Variants in AGMO observed in about 807,000 individuals in gnomAD.
The protein encoded by AGMO is alkylglycerol monooxygenase.
A neutral mutation model predicts 60.2 loss-of-function variants in AGMO; 75 were observed. That is an observed-to-expected ratio of 1.25 (90% CI 1.03 to 1.51). The LOEUF (loss-of-function observed/expected upper bound fraction) is 1.51. Among genes scored for constraint, AGMO ranks in the 40% most tolerant of loss-of-function variants. The pLI, the probability that AGMO is intolerant of heterozygous loss-of-function variation, is 0.00. For synonymous variants in AGMO, 261 were observed against 177.1 expected (o/e 1.47, Z -3.76); for missense variants, 763 against 525.5 (o/e 1.45, Z -4.42).
chr7:15,275,663 G>A (rs1380722971), intron 12 of AGMO, among the ~76,000 whole-genome samples: 1 of 152,030 alleles, frequency 6.6e-6, no homozygotes, highest in Non-Finnish European at 1.5e-5. Context: ...CACTGCTATT[G>A]TGTTGCTATG....
chr7:15,352,815 G>T (rs898958353), intron 12 of AGMO, among the ~76,000 whole-genome samples: 1 of 151,844 alleles, frequency 6.6e-6, no homozygotes, highest in African/African-American at 2.4e-5. Flanking sequence ...ATCTTCACCT[G>T]TTTTCGCTAT....
chr7:15,529,677 T>A (rs374433397), intron 3 of AGMO, among the ~76,000 whole-genome samples: 250 of 6,736 alleles, frequency 0.037, 104 homozygotes, highest in East Asian at 0.31. Context: ...CTATATATAT[T>A]CTATATATAG....
At chr7:15,460,038 C>T (rs189788845) in intron 3 of AGMO, among the ~76,000 whole-genome samples, 123 of 151,730 alleles carry the variant, frequency 8.1e-4, no homozygotes, top group African/African-American at 2.6e-3. Context: ...AGTTTACCTA[C>T]GTACTTTGTA....
At chr7:15,461,428 T>C (rs1159157700) in intron 3 of AGMO, among the ~76,000 whole-genome samples, 3 of 151,980 alleles carry the variant, frequency 2.0e-5, no homozygotes, top group African/African-American at 7.2e-5. Context: ...CTCTGGATAG[T>C]AGTAATCATC....
intron 12 of AGMO, among the ~76,000 whole-genome samples, chr7:15,225,179 A>G (rs1163008004): frequency 6.6e-6 from 1 of 151,688 alleles, no homozygotes; most frequent in Non-Finnish European, 1.5e-5. Flanking sequence ...TTTCCATGTG[A>G]TTGCATAATC....
chr7:15,197,307 G>A (rs922843299), downstream of AGMO, among the ~76,000 whole-genome samples: 4 of 152,014 alleles, frequency 2.6e-5, no homozygotes, highest in East Asian at 7.7e-4. Context: ...ATATGTTAAA[G>A]AATTCCAGTC....
chr7:15,368,561 A>C (rs1237497055), intron 10 of AGMO, among the ~76,000 whole-genome samples: 2 of 152,154 alleles, frequency 1.3e-5, no homozygotes, highest in East Asian at 3.8e-4. Context: ...GGTACATTTG[A>C]AATAAAATAC....
chr7:15,263,598 A>T (rs1035085991), intron 12 of AGMO, among the ~76,000 whole-genome samples: 1 of 152,124 alleles, frequency 6.6e-6, no homozygotes, highest in African/African-American at 2.4e-5. Context: ...AAGTCATTAT[A>T]TGAAAAAATA....
chr7:15,266,425 T>C (rs1386022755), intron 12 of AGMO, among the ~76,000 whole-genome samples: 1 of 152,058 alleles, frequency 6.6e-6, no homozygotes, highest in Non-Finnish European at 1.5e-5. Context: ...TTTAACAACT[T>C]CAAAGGGCTC....
chr7:15,397,195 A>C (rs1784424382), intron 5 of AGMO, among the ~76,000 whole-genome samples: 1 of 152,160 alleles, frequency 6.6e-6, no homozygotes, highest in African/African-American at 2.4e-5. Flanking sequence ...AAAGAGACGG[A>C]GACCCGCCGT....
At chr7:15,322,581 T>TAA (rs1211072152) in intron 12 of AGMO, among the ~76,000 whole-genome samples, 6 of 40,626 alleles carry the variant, frequency 1.5e-4, no homozygotes, top group Admixed American at 1.1e-3. Flanking sequence ...TATAAATATA[T>TAA]ATAAATATAT....
chr7:15,432,861 A>T (rs970820408), intron 3 of AGMO, among the ~76,000 whole-genome samples: 1 of 152,010 alleles, frequency 6.6e-6, no homozygotes, highest in African/African-American at 2.4e-5. Flanking sequence ...GGCTGTACAT[A>T]AGAAATATAA....
intron 5 of AGMO, among the ~76,000 whole-genome samples, chr7:15,395,010 G>A (rs944872146): frequency 2.0e-5 from 3 of 152,154 alleles, no homozygotes; most frequent in Non-Finnish European, 4.4e-5. Context: ...AAAAAGTATA[G>A]CAGCCCAGAT....
the AGMO span, among the ~76,000 whole-genome samples, chr7:15,137,712 T>G: frequency 6.6e-6 from 1 of 152,182 alleles, no homozygotes; most frequent in African/African-American, 2.4e-5. Context: ...ATTATGATCA[T>G]GTTGAGGAGG....
intron 6 of AGMO, 133 bp from the exon 7 acceptor site, chr7:15,391,038 C>A: frequency 1.7e-6 from 1 of 575,784 alleles, no homozygotes; most frequent in Non-Finnish European, 3.0e-6. Flanking sequence ...GGAATGTCTT[C>A]TCATTTATAA....
Position 15,329,864 on chromosome 7 carries a change from T to C in AGMO, c.1263+35650A>G, listed in dbSNP as rs544938337. ...ATATCCCACGAGCATCCTTACTTTG[T>C]TGGGTTTGGTAGAGGGTTGAGCTGC... is the stretch of plus-strand genomic sequence containing the variant. On this transcript the variant is annotated intron_variant, in intron 12 of 12. Coordinates refer to ENST00000342526, the MANE Select transcript of AGMO (RefSeq NM_001004320.2). Among the ~76,000 whole-genome samples the C allele has an allele frequency of 4.6e-5, 7 of 152,202 alleles. No individual in the cohort carries two copies. In the South Asian group the frequency reaches 1.5e-3, roughly 32 times the overall value.
chr7:15,204,469 G>A (rs1301367616), intron 12 of AGMO, among the ~76,000 whole-genome samples: 7 of 152,070 alleles, frequency 4.6e-5, no homozygotes, highest in Non-Finnish European at 5.9e-5. Flanking sequence ...TTCTTATTTT[G>A]CAATATTTGT....
At chr7:15,256,925 G>C (rs1201012217) in intron 12 of AGMO, among the ~76,000 whole-genome samples, 1 of 152,108 alleles carries the variant, frequency 6.6e-6, no homozygotes, top group Admixed American at 6.6e-5. Flanking sequence ...AGAGATACCA[G>C]AGAAAATAAA....
chr7:15,505,616 T>G (rs1002792692), intron 3 of AGMO, among the ~76,000 whole-genome samples: 5 of 152,032 alleles, frequency 3.3e-5, no homozygotes, highest in African/African-American at 4.8e-5. Flanking sequence ...TGAAAAGTCT[T>G]GAGTTTTTGT....
Sources: gnomAD v4.1 joint callset for allele counts (sites outside exome capture counted in the v4.1 genomes callset) on GRCh38, gnomAD v4.1.1 for gene constraint, MANE v1.5 for transcripts, NCBI Gene and HGNC (gene_info 2026-07-23, HGNC 2026-07-21) for gene names.